WNK2: variants seen among roughly 807,000 people sequenced by gnomAD.
The protein encoded by WNK2 is serine/threonine-protein kinase WNK2.
In WNK2, 67 loss-of-function variants were observed where a neutral mutation model predicts 192.1. That is an observed-to-expected ratio of 0.35 (90% CI 0.29 to 0.43). The LOEUF (loss-of-function observed/expected upper bound fraction) is 0.43, where lower values mean the gene tolerates loss of function less well. Ranked by LOEUF, WNK2 falls within the 20% of genes least tolerant of loss-of-function variation. The pLI, the probability that WNK2 is intolerant of heterozygous loss-of-function variation, is 1.00. For missense variants in WNK2, 2,698 were observed against 3,089.7 expected, an observed-to-expected ratio of 0.87 and a Z score of 3.01; for synonymous variants, 1,439 against 1,393.9, an observed-to-expected ratio of 1.03 and a Z score of -0.72.
At chr9:93,276,380 C>T (rs1412931197) in intron 19 of WNK2, among the ~76,000 whole-genome samples, 1 of 152,146 alleles carries the variant, frequency 6.6e-6, no homozygotes, top group Non-Finnish European at 1.5e-5. Context: ...GTCGGTCATC[C>T]TTATGCAGAA....
In WNK2 at chr9:93,247,446, C is replaced by A. The variant is rs1241711414; in HGVS notation, c.1543-97C>A. 2.2e-6 allele frequency: 3 copies of A among 1,372,634 alleles called. No individual in the cohort carries two copies. Among genetic ancestry groups the A allele is most frequent in the Non-Finnish European group, 3.0e-6 (3 of 994,650 alleles). 85.0% of individuals were successfully genotyped at this position (1,372,634 alleles called of 1,614,324 possible). On this transcript the variant is annotated intron_variant, in intron 7 of 29. Transcript: ENST00000427277. The surrounding 1 kb of genome is among the most constrained non-coding windows in gnomAD (Gnocchi z 5.2). ...GCAGTGGGATGGCGAGCGTGTCCTG[C>A]GTGGATGAGCCAGTGATGGGAAAGC...
At chr9:93,244,227 A>T (rs940228708) in intron 7 of WNK2, among the ~76,000 whole-genome samples, 2 of 152,180 alleles carry the variant, frequency 1.3e-5, no homozygotes, top group Admixed American at 1.3e-4. Flanking sequence ...CTTCCCCTGA[A>T]GTCACCTCTC....
At position 93,289,034 on chromosome 9, in the gene WNK2, C is replaced by T. The variant is rs148380402; in HGVS notation, c.4280C>T (p.Thr1427Ile). 1.9e-6 allele frequency: 3 copies of T among 1,604,042 alleles called. No individual in the cohort carries two copies. In the African/African-American group the frequency reaches 4.0e-5, roughly 21 times the overall value. ...GGTCCAGGGACACCTCAGGGGCTGACCAGTGAGCTCGAGACGTCTCAGCCA... is the reference window on the plus strand; with the variant it reads ...GGTCCAGGGACACCTCAGGGGCTGATCAGTGAGCTCGAGACGTCTCAGCCA... ...AGGPGTPQGL[T>I]SELETSQPLA... Residue 1427 changes from threonine (T) to isoleucine (I), a missense_variant, in exon 20 of 30, where the codon ACC becomes ATC. Coordinates refer to ENST00000427277, the MANE Select transcript of WNK2 (RefSeq NM_006648.4).
chr9:93,308,205 G>A, intron 27 of WNK2, 123 bp from the exon 28 acceptor site: 5 of 1,453,840 alleles, frequency 3.4e-6, no homozygotes, highest in Non-Finnish European at 4.5e-6. Flanking sequence ...TTGAAGCAAG[G>A]TGCTGCCTGG....
chr9:93,274,874 C>T (rs1007877591), intron 19 of WNK2, among the ~76,000 whole-genome samples: 1 of 152,188 alleles, frequency 6.6e-6, no homozygotes, highest in Non-Finnish European at 1.5e-5. Context: ...ACCACTTCCA[C>T]AAAATCTCTT....
At chr9:93,297,456 T>C (rs1456253126) in intron 23 of WNK2, among the ~76,000 whole-genome samples, 1 of 152,188 alleles carries the variant, frequency 6.6e-6, no homozygotes, top group Non-Finnish European at 1.5e-5. Flanking sequence ...GTGGAGGAAA[T>C]AACACACATT....
At position 93,262,724 on chromosome 9, in the gene WNK2, T is replaced by A; in HGVS notation, c.3410+5T>A. ...CCTCCCGCAGAGCTGTGAGAGGTAG[T>A]GTGGCCCAGCCTCGACCTCGCAGGA... On this transcript the variant is annotated splice_donor_5th_base_variant and intron_variant, in intron 14 of 29. Coordinates refer to ENST00000427277, the MANE Select transcript of WNK2 (RefSeq NM_006648.4). 6.2e-7 allele frequency: 1 copy of A among 1,612,038 alleles called. No homozygotes were observed. The highest frequency in any genetic ancestry group is 8.5e-7 in the Non-Finnish European group (1 of 1,179,858).
At chr9:93,189,256 T>G (rs1162190193) in intron 2 of WNK2, among the ~76,000 whole-genome samples, 1 of 152,180 alleles carries the variant, frequency 6.6e-6, no homozygotes, top group African/African-American at 2.4e-5. Context: ...TCAGTGCCAC[T>G]GCCTCTGAGC....
In WNK2 at chr9:93,184,149, G is replaced by A. The variant is rs927156190; in HGVS notation, c.-239G>A. Among the ~76,000 whole-genome samples, 6 of 149,780 alleles carry A rather than the reference G, an allele frequency of 4.0e-5. No homozygotes were observed. The highest frequency in any genetic ancestry group is 8.9e-5 in the Non-Finnish European group (6 of 67,228). On this transcript the variant is annotated 5_prime_UTR_variant, in exon 1 of 30. Transcript: ENST00000427277. ...GAACGGAGCCCCGCCCTCCCCGCGC[G>A]CCGGGTCGGAGCCGGTGCGGGAGCG... is the stretch of plus-strand genomic sequence containing the variant.
Position 93,229,640 on chromosome 9 carries a change from C to T in WNK2, c.682-56C>T, listed in dbSNP as rs1379540247. ...TGGCGCTGCTGGGATGTGACGCCACCGTGTCCCCTTCTGTGTCCCATCTCT... is the reference window on the plus strand; with the variant it reads ...TGGCGCTGCTGGGATGTGACGCCACTGTGTCCCCTTCTGTGTCCCATCTCT... On this transcript the variant is annotated intron_variant, in intron 2 of 29. Transcript: ENST00000427277. The surrounding 1 kb of genome is among the most constrained non-coding windows in gnomAD (Gnocchi z 4.9). 11 of 1,566,984 alleles carry T rather than the reference C, an allele frequency of 7.0e-6. No homozygotes were observed. The highest frequency in any genetic ancestry group is 3.6e-5 in the Admixed American group (2 of 56,040).
At chr9:93,256,156 C>T in intron 9 of WNK2, 143 bp from the exon 10 acceptor site, 1 of 1,050,354 alleles carries the variant, frequency 9.5e-7, no homozygotes, top group Non-Finnish European at 1.3e-6. Context: ...GGCTCCCTCA[C>T]TGCTTCTGCT....
intron 2 of WNK2, among the ~76,000 whole-genome samples, chr9:93,194,506 G>A (rs1374267206): frequency 1.3e-5 from 2 of 152,156 alleles, no homozygotes; most frequent in Non-Finnish European, 2.9e-5. Flanking sequence ...AAAACAATGA[G>A]CTCCCACTGC....
At position 93,238,540 on chromosome 9, in the gene WNK2, T is replaced by A. The variant is rs139175378; in HGVS notation, c.1322+219T>A. On this transcript the variant is annotated intron_variant, in intron 6 of 29. Transcript: ENST00000427277. ...CAGGCCCTCACGTCCTTGTTGGCCA[T>A]CTGGAAACCCTCTCCTTGGCTTTGG... 5.3e-3 allele frequency among the ~76,000 whole-genome samples: 810 copies of A among 152,310 alleles called. 7 individuals are homozygous for A. The highest frequency in any genetic ancestry group is 0.018 in the African/African-American group (761 of 41,568).
In WNK2 at chr9:93,233,946, G is replaced by A. The variant is rs143339896; in HGVS notation, c.1076-862G>A. 6.8e-4 allele frequency among the ~76,000 whole-genome samples: 103 copies of A among 152,270 alleles called. 2 individuals are homozygous for A. The East Asian group carries it at 0.018, about 27-fold the overall frequency. ...TTATTTTATTAAAAAGGCCTTTACAGTTGCTGTATTATGAAAGCTAAAGCT... is the reference window on the plus strand; with the variant it reads ...TTATTTTATTAAAAAGGCCTTTACAATTGCTGTATTATGAAAGCTAAAGCT... On this transcript the variant is annotated intron_variant, in intron 4 of 29. Coordinates refer to ENST00000427277, the MANE Select transcript of WNK2 (RefSeq NM_006648.4).
rs560854725 is a variant in WNK2 at position 93,191,148 on chromosome 9, C to T, written c.681+5538C>T. Among the ~76,000 whole-genome samples, 8 of 152,058 alleles carry T rather than the reference C, an allele frequency of 5.3e-5. No homozygotes were observed. The South Asian group carries it at 1.2e-3, about 24-fold the overall frequency. On this transcript the variant is annotated intron_variant, in intron 2 of 29. Coordinates refer to ENST00000427277, the MANE Select transcript of WNK2 (RefSeq NM_006648.4). ...AAGTCCAAGACAAGCTCCAGGTCAG[C>T]GGGAAGATCTCGTGGGCCCTGAGAG... is the stretch of plus-strand genomic sequence containing the variant.
rs116320730 is a variant in WNK2, at chr9:93,238,576, C to T, written c.1322+255C>T. Among the ~76,000 whole-genome samples the T allele has an allele frequency of 4.8e-3, 729 of 152,334 alleles. 8 individuals carry two copies. The highest frequency in any genetic ancestry group is 0.017 in the African/African-American group (689 of 41,576). The stretch of plus-strand genomic sequence containing the variant: ...TCTCCTTGGCTTTGGGGACAGCCCC[C>T]TCCTTGGCTTTGAGGACAGTCCTGT... On this transcript the variant is annotated intron_variant, in intron 6 of 29. Transcript: ENST00000427277.
At chr9:93,304,928 GC>G (rs999340983) in intron 26 of WNK2, among the ~76,000 whole-genome samples, 2 of 152,214 alleles carry the variant, frequency 1.3e-5, no homozygotes, top group Non-Finnish European at 2.9e-5. Context: ...TTTAGGAAGG[GC>G]CCGTGGAGGC....
chr9:93,198,746 A>G (rs909948381), intron 2 of WNK2, among the ~76,000 whole-genome samples: 1 of 152,160 alleles, frequency 6.6e-6, no homozygotes, highest in Non-Finnish European at 1.5e-5. Context: ...GTCTGCGCTG[A>G]TATGTGCAGT....
At chr9:93,284,804 G>A (rs1197755997) in intron 19 of WNK2, among the ~76,000 whole-genome samples, 1 of 152,226 alleles carries the variant, frequency 6.6e-6, no homozygotes, top group Non-Finnish European at 1.5e-5. Flanking sequence ...AAGTGTCATG[G>A]TGGTGTCACA....
Sources: allele counts gnomAD v4.1 joint callset (sites outside exome capture counted in the v4.1 genomes callset), GRCh38; gene constraint gnomAD v4.1.1; non-coding constraint Gnocchi (gnomAD v3.1); transcripts MANE v1.5; gene names NCBI Gene and HGNC (gene_info 2026-07-23, HGNC 2026-07-21).